Variants in ANKS6 observed in about 807,000 individuals in gnomAD.
The protein encoded by ANKS6 is ankyrin repeat and sterile alpha motif domain containing 6.
ANKS6 carries 47 observed loss-of-function variants against 77.9 expected under a neutral mutation model. The ratio of observed to expected loss-of-function variants is 0.60; its 90% CI spans 0.48 to 0.77. ANKS6 has a LOEUF of 0.77. Ranked by LOEUF, ANKS6 falls within the 30% of genes least tolerant of loss-of-function variation. The pLI is 0.00. For missense variants in ANKS6, 1,150 were observed against 1,159.1 expected (o/e 0.99, Z 0.11); for synonymous variants, 488 against 501.7 (o/e 0.97, Z 0.37).
At chr9:98,749,714 TA>T (rs1292925652) in intron 13 of ANKS6, among the ~76,000 whole-genome samples, 3 of 152,192 alleles carry the variant, frequency 2.0e-5, no homozygotes, top group Non-Finnish European at 4.4e-5. Context: ...AAGTCACTGC[TA>T]AGGTTTAAAA....
rs935445080 is a variant in ANKS6 at position 98,733,194 on chromosome 9, C to T, written c.*3325G>A. The stretch of plus-strand genomic sequence containing the variant: ...ACAGGGTAGATGCTCAGTAAACGTT[C>T]GGTAAACAAAAGAATTAAAAAATAA... On this transcript the variant is annotated 3_prime_UTR_variant, in exon 15 of 15. Transcript: ENST00000353234. The T allele has an allele frequency of 8.1e-6, 8 of 984,652 alleles. No homozygotes were observed. The highest frequency in any genetic ancestry group is 1.1e-4 in the East Asian group (1 of 8,818). 61.0% of individuals were successfully genotyped at this position (984,652 alleles called of 1,614,324 possible). A position where few individuals can be genotyped will look rare whatever the true frequency, so the allele number is the denominator to read the frequency against.
chr9:98,751,987 G>A (rs1209988468), intron 12 of ANKS6, among the ~76,000 whole-genome samples: 1 of 152,190 alleles, frequency 6.6e-6, no homozygotes, highest in East Asian at 1.9e-4. Flanking sequence ...TCGGGAGGCT[G>A]AAGCAAGAGG....
chr9:98,734,497 A>AGGC lies in ANKS6; in HGVS notation c.*2019_*2021dup. The AGGC allele has an allele frequency of 2.1e-5, 21 of 985,442 alleles. No individual in the cohort carries two copies. The highest frequency in any genetic ancestry group is 2.5e-5 in the Non-Finnish European group (21 of 829,924). The allele number at this position is 985,442 out of a possible 1,614,324, so 61.0% of individuals were successfully genotyped here. A position where few individuals can be genotyped will look rare whatever the true frequency, so the allele number is the denominator to read the frequency against. On this transcript the variant is annotated 3_prime_UTR_variant, in exon 15 of 15. Coordinates refer to ENST00000353234, the MANE Select transcript of ANKS6 (RefSeq NM_173551.5). ...ATGAATTTCAGAGGCAAACAATTCT[A>AGGC]GGCCTACTGTTAACCCCTGAAGCCA...
chr9:98,785,544 C>T (rs147860688), intron 2 of ANKS6, among the ~76,000 whole-genome samples: 161 of 152,318 alleles, frequency 1.1e-3, no homozygotes, highest in Middle Eastern at 0.01. Context: ...TTGCTGCAGC[C>T]GCCAGATGTT....
At position 98,784,058 on chromosome 9, in the gene ANKS6, G is replaced by A. The variant is rs376870807; in HGVS notation, c.1007C>T (p.Thr336Met). Residue 336 changes from threonine (T) to methionine (M), a missense_variant, in exon 4 of 15, where the codon ACG becomes ATG. Thr to Met is a moderately conservative substitution (Grantham distance 81, BLOSUM62 -1). Transcript: ENST00000353234. ...CAGCTGCACCAGAGCCAGCTGCCCC[G>A]TAACAGCTGCTAGCATCAGTGGCGT... The part of the protein sequence containing the change: ...GATPLMLAAV[T>M]GQLALVQLLV... 1.9e-5 allele frequency: 30 copies of A among 1,610,954 alleles called. No homozygotes were observed. Among genetic ancestry groups the A allele is most frequent in the African/African-American group, 9.4e-5 (7 of 74,828 alleles).
chr9:98,776,488 C>G (rs1390718542), intron 8 of ANKS6, among the ~76,000 whole-genome samples: 1 of 151,904 alleles, frequency 6.6e-6, no homozygotes, highest in African/African-American at 2.4e-5. Context: ...GCAACCTCCA[C>G]CTCCCGGGTT....
In ANKS6 at chr9:98,734,825, C is replaced by A; in HGVS notation, c.*1694G>T. 5 of 985,434 alleles carry A rather than the reference C, an allele frequency of 5.1e-6. No homozygotes were observed. Among genetic ancestry groups the A allele is most frequent in the Non-Finnish European group, 6.0e-6 (5 of 829,938 alleles). The allele number at this position is 985,434 out of a possible 1,614,324, so 61.0% of individuals were successfully genotyped here. On this transcript the variant is annotated 3_prime_UTR_variant, in exon 15 of 15. Transcript: ENST00000353234. ...CTTAAAAAGGCTGGGACATTAGTAA[C>A]CTTTGTAAAGGTGTCTATCAGTAAC...
intron 1 of ANKS6, among the ~76,000 whole-genome samples, chr9:98,794,782 A>T (rs572951404): frequency 1.3e-5 from 2 of 152,280 alleles, no homozygotes; most frequent in South Asian, 4.1e-4. Context: ...ATAACACATC[A>T]GTGGCTCCCA....
chr9:98,778,414 T>C lies in ANKS6; in HGVS notation c.1379A>G (p.Asn460Ser). The C allele has an allele frequency of 6.2e-7, 1 of 1,613,840 alleles. No homozygotes were observed. The highest frequency in any genetic ancestry group is 8.5e-7 in the Non-Finnish European group (1 of 1,179,970). ...DDKGGLKSWW[N>S]RMSNRFRKLK... ...CTTTCGGAACCGATTGGACATTCGG[T>C]TCCACCAGGACTGCCAAAGGAACGC... Residue 460 changes from asparagine to serine, a missense_variant, in exon 7 of 15, where the codon AAC becomes AGC. By Grantham distance (46) the Asn-to-Ser change is conservative. Transcript: ENST00000353234.
At position 98,735,867 on chromosome 9, in the gene ANKS6, A is replaced by G. The variant is rs1831470100; in HGVS notation, c.*652T>C. On this transcript the variant is annotated 3_prime_UTR_variant, in exon 15 of 15. Transcript: ENST00000353234. Reference sequence around the variant, plus strand: ...GGAATGCTACAGCAGTCACATACACAGCACTAAGGGACCCAGTGGCTGAAA... The same window carrying G: ...GGAATGCTACAGCAGTCACATACACGGCACTAAGGGACCCAGTGGCTGAAA... 1 of 1,232,004 alleles carries G rather than the reference A, an allele frequency of 8.1e-7. No individual in the cohort carries two copies. Among genetic ancestry groups the G allele is most frequent in the Non-Finnish European group, 1.0e-6 (1 of 988,410 alleles). The allele number at this position is 1,232,004 out of a possible 1,614,324, so 76.3% of individuals were successfully genotyped here. A position where few individuals can be genotyped will look rare whatever the true frequency, so the allele number is the denominator to read the frequency against.
chr9:98,786,685 C>A (rs1430003882), intron 2 of ANKS6, among the ~76,000 whole-genome samples: 1 of 152,166 alleles, frequency 6.6e-6, no homozygotes, highest in Non-Finnish European at 1.5e-5. Context: ...CTATTCTGCA[C>A]CTGACTTTTA....
rs1833585322 is a variant in ANKS6 at position 98,770,908 on chromosome 9, G to A, written c.1960C>T (p.Leu654Phe). 1 of 1,517,958 alleles carries A rather than the reference G, an allele frequency of 6.6e-7. No homozygotes were observed. The highest frequency in any genetic ancestry group is 8.9e-7 in the Non-Finnish European group (1 of 1,128,166). 94.0% of individuals were successfully genotyped at this position (1,517,958 alleles called of 1,614,324 possible). A position where few individuals can be genotyped will look rare whatever the true frequency, so the allele number is the denominator to read the frequency against. The change falls in exon 10 of 15, where the codon CTT becomes TTT. Residue 654 changes from leucine to phenylalanine, a missense_variant. Coordinates refer to ENST00000353234, the MANE Select transcript of ANKS6 (RefSeq NM_173551.5). ...CCCAGCTACTCACCTGAGCGGTTAA[G>A]CAGCTCCCCACCGTGCCGGCTCACA... is the stretch of plus-strand genomic sequence containing the variant. ...VGVSRHGGEL[L>F]NRSGGSIDNV...
chr9:98,783,303 T>C lies in ANKS6; in HGVS notation c.1112+650A>G, dbSNP rs558019311. ...GTCTTGGAATTCAAGACTCATCGAA[T>C]AAGAAAACAAACTGTTTTCAGATGA... On this transcript the variant is annotated intron_variant, in intron 4 of 14. Transcript: ENST00000353234. Among the ~76,000 whole-genome samples the C allele has an allele frequency of 1.1e-3, 170 of 152,228 alleles. 1 individual carries two copies. Among genetic ancestry groups the C allele is most frequent in the Non-Finnish European group, 2.2e-3 (150 of 67,998 alleles).
chr9:98,748,672 A>G (rs1482382409), intron 13 of ANKS6, among the ~76,000 whole-genome samples: 1 of 152,170 alleles, frequency 6.6e-6, no homozygotes. Context: ...AGCCACATAC[A>G]CTAGTGGGGG....
intron 4 of ANKS6, 92 bp downstream of exon 4, chr9:98,783,861 A>T: frequency 8.4e-7 from 1 of 1,193,598 alleles, no homozygotes; most frequent in Non-Finnish European, 1.1e-6. Context: ...TGTATGCAGC[A>T]TCTCAGGACC....
At chr9:98,776,695 G>A (rs886893392) in intron 8 of ANKS6, among the ~76,000 whole-genome samples, 33 of 152,114 alleles carry the variant, frequency 2.2e-4, no homozygotes, top group East Asian at 1.7e-3. Flanking sequence ...GCTACTGTGC[G>A]TGGCCCCAAG....
intron 2 of ANKS6, among the ~76,000 whole-genome samples, chr9:98,787,613 A>G (rs1834646527): frequency 6.6e-6 from 1 of 152,148 alleles, no homozygotes; most frequent in Non-Finnish European, 1.5e-5. Flanking sequence ...AAAACATAAT[A>G]GTTTCCATTT....
rs114995871 is a variant in ANKS6, at chr9:98,763,929, T to C, written c.2142+4152A>G. On this transcript the variant is annotated intron_variant, in intron 11 of 14. Coordinates refer to ENST00000353234, the MANE Select transcript of ANKS6 (RefSeq NM_173551.5). Reference sequence around the variant, plus strand: ...GTACAAAAACTCACCCAAGTAGAAATAGAACACCTGAATAGTCCTATATCT... The same window carrying C: ...GTACAAAAACTCACCCAAGTAGAAACAGAACACCTGAATAGTCCTATATCT... 4.4e-3 allele frequency among the ~76,000 whole-genome samples: 670 copies of C among 152,208 alleles called. 2 individuals are homozygous for C. Among genetic ancestry groups the C allele is most frequent in the African/African-American group, 0.013 (538 of 41,570 alleles).
At chr9:98,739,995 T>C (rs997039686) in intron 14 of ANKS6, among the ~76,000 whole-genome samples, 1 of 152,056 alleles carries the variant, frequency 6.6e-6, no homozygotes, top group Non-Finnish European at 1.5e-5. Context: ...GACCTCGTGA[T>C]CCGCCCGCCT....
Sources: allele counts gnomAD v4.1 joint callset (sites outside exome capture counted in the v4.1 genomes callset), GRCh38; gene constraint gnomAD v4.1.1; transcripts MANE v1.5; gene names NCBI Gene and HGNC (gene_info 2026-07-23, HGNC 2026-07-21).